Variants in PHACTR1 observed in about 807,000 individuals in gnomAD.
PHACTR1 encodes the protein RPEL repeat containing 1.
A neutral mutation model predicts 69.2 loss-of-function variants in PHACTR1; 16 were observed. The observed-to-expected ratio is 0.23, with a 90% CI of 0.16 to 0.35. The LOEUF is 0.35. Among genes scored for constraint, PHACTR1 ranks in the 10% least tolerant of loss-of-function variants. The pLI is 1.00. For synonymous variants in PHACTR1, 312 were observed against 284.5 expected (o/e 1.10, Z -0.97); for missense variants, 510 against 734.7 (o/e 0.69, Z 3.54).
At chr6:13,011,716 G>A (rs921618751) in intron 4 of PHACTR1, among the ~76,000 whole-genome samples, 2 of 152,220 alleles carry the variant, frequency 1.3e-5, no homozygotes, top group Non-Finnish European at 2.9e-5. Context: ...GAAAAGGCAT[G>A]CAATTTAAAA....
chr6:13,066,460 T>G (rs936009320), intron 5 of PHACTR1, among the ~76,000 whole-genome samples: 2 of 152,216 alleles, frequency 1.3e-5, no homozygotes, highest in African/African-American at 4.8e-5. Flanking sequence ...CATTCATGAT[T>G]GTTTTCCAGT....
rs1325030664 is a variant in PHACTR1, at chr6:13,287,830, CAACT to C, written c.*753_*756del. ...ATATGCTCAGTTCAAATAATCAACC[CAACT>C]GTGTCCAGAGTGTCCAGTGTCATGA... On this transcript the variant is annotated 3_prime_UTR_variant, in exon 15 of 15. Coordinates refer to ENST00000332995, the MANE Select transcript of PHACTR1 (RefSeq NM_030948.6). The C allele has an allele frequency of 6.5e-6, 1 of 154,110 alleles. No individual in the cohort carries two copies. Among genetic ancestry groups the C allele is most frequent in the Non-Finnish European group, 1.4e-5 (1 of 69,314 alleles). The allele number at this position is 154,110 out of a possible 1,614,324, so 9.5% of individuals were successfully genotyped here.
intron 4 of PHACTR1, among the ~76,000 whole-genome samples, chr6:12,959,218 A>G (rs1436777671): frequency 6.6e-6 from 1 of 151,426 alleles, no homozygotes; most frequent in Non-Finnish European, 1.5e-5. Flanking sequence ...AAAAGAAAAG[A>G]AAACAGAAAC....
intron 4 of PHACTR1, among the ~76,000 whole-genome samples, chr6:12,763,242 C>T (rs553824051): frequency 1.1e-4 from 17 of 151,032 alleles, no homozygotes; most frequent in African/African-American, 3.9e-4. Flanking sequence ...ACAACAACAA[C>T]AACAACAACA....
intron 4 of PHACTR1, among the ~76,000 whole-genome samples, chr6:12,823,271 T>G (rs1161456275): frequency 1.3e-5 from 2 of 152,210 alleles, no homozygotes; most frequent in Non-Finnish European, 2.9e-5. Context: ...TTAAAGTGTT[T>G]GGAAGAAGAA....
intron 4 of PHACTR1, among the ~76,000 whole-genome samples, chr6:12,859,353 T>G (rs950343811): frequency 2.0e-5 from 3 of 152,222 alleles, no homozygotes; most frequent in Non-Finnish European, 4.4e-5. Flanking sequence ...CGAATGATAC[T>G]TACAGCTAAT....
At chr6:12,718,616 A>T (rs1761695358) in intron 2 of PHACTR1, 83 bp from the exon 3 acceptor site, 1 of 414,514 alleles carries the variant, frequency 2.4e-6, no homozygotes. Context: ...GGATATTCTT[A>T]TTCAAACATT....
At chr6:13,280,555 T>A (rs1440454875) in intron 12 of PHACTR1, 1 of 216,784 alleles carries the variant, frequency 4.6e-6, no homozygotes, top group Non-Finnish European at 9.5e-6. Flanking sequence ...TTTACAGTGA[T>A]CTGCCTTCAG....
intron 10 of PHACTR1, among the ~76,000 whole-genome samples, chr6:13,239,118 T>G (rs1236646931): frequency 6.6e-6 from 1 of 152,142 alleles, no homozygotes; most frequent in Non-Finnish European, 1.5e-5. Flanking sequence ...TGGTATTCGC[T>G]CATCTTCAGA....
At position 13,003,592 on chromosome 6, in the gene PHACTR1, A is replaced by T. The variant is rs141403411; in HGVS notation, c.251-49773A>T. Among the ~76,000 whole-genome samples, 58 of 152,108 alleles carry T rather than the reference A, an allele frequency of 3.8e-4. 1 individual carries two copies. In the East Asian group the frequency reaches 7.2e-3, roughly 19 times the overall value. The stretch of plus-strand genomic sequence containing the variant: ...CCTTCATTACTGCTTCTTTTAAAAA[A>T]TTTTTTAATAGATTTAGGAAGTATA... On this transcript the variant is annotated intron_variant, in intron 4 of 14. Transcript: ENST00000332995.
intron 4 of PHACTR1, among the ~76,000 whole-genome samples, chr6:12,751,542 T>C (rs1439165670): frequency 6.6e-6 from 1 of 152,248 alleles, no homozygotes; most frequent in Non-Finnish European, 1.5e-5. Flanking sequence ...GTTTACCTTC[T>C]ACTAGTACTT....
intron 4 of PHACTR1, among the ~76,000 whole-genome samples, chr6:12,772,503 C>T (rs965014568): frequency 6.6e-6 from 1 of 152,076 alleles, no homozygotes; most frequent in African/African-American, 2.4e-5. Context: ...TTTTCTTTTG[C>T]CTAGATTTAT....
intron 5 of PHACTR1, among the ~76,000 whole-genome samples, chr6:13,124,197 T>C (rs1018996579): frequency 1.3e-5 from 2 of 152,166 alleles, no homozygotes; most frequent in African/African-American, 4.8e-5. Context: ...GAAGCTACCA[T>C]TGGGACCTCT....
intron 4 of PHACTR1, among the ~76,000 whole-genome samples, chr6:13,036,786 TA>T (rs750358473): frequency 2.0e-5 from 3 of 152,166 alleles, no homozygotes; most frequent in Non-Finnish European, 2.9e-5. Flanking sequence ...TGCCTGTAAG[TA>T]AATAAAGGAT....
At chr6:12,941,156 C>A (rs953033488) in intron 4 of PHACTR1, among the ~76,000 whole-genome samples, 1 of 152,180 alleles carries the variant, frequency 6.6e-6, no homozygotes, top group Non-Finnish European at 1.5e-5. Flanking sequence ...AGTTCACCTA[C>A]AGAAAACCCT....
At chr6:13,228,839 G>T (rs1047184578) in intron 9 of PHACTR1, among the ~76,000 whole-genome samples, 2 of 152,244 alleles carry the variant, frequency 1.3e-5, no homozygotes, top group Non-Finnish European at 2.9e-5. Context: ...CAACGCTGGG[G>T]TTTGATGCGG....
At chr6:13,238,803 G>T (rs1313528574) in intron 10 of PHACTR1, among the ~76,000 whole-genome samples, 2 of 152,094 alleles carry the variant, frequency 1.3e-5, no homozygotes, top group African/African-American at 4.8e-5. Flanking sequence ...AATTTCTTCT[G>T]CTGCAGAAAC....
In PHACTR1 at chr6:12,872,572, T is replaced by A. The variant is rs151254226; in HGVS notation, c.250+122782T>A. Among the ~76,000 whole-genome samples, 245 of 152,328 alleles carry A rather than the reference T, an allele frequency of 1.6e-3. 3 individuals carry two copies. The highest frequency in any genetic ancestry group is 4.9e-3 in the African/African-American group (204 of 41,572). The stretch of plus-strand genomic sequence containing the variant: ...CCATGTATGTTGATACAAGAAAGAA[T>A]ATAGAGGATATACGATGTGACTATT... On this transcript the variant is annotated intron_variant, in intron 4 of 14. Coordinates refer to ENST00000332995, the MANE Select transcript of PHACTR1 (RefSeq NM_030948.6).
intron 5 of PHACTR1, among the ~76,000 whole-genome samples, chr6:13,086,029 T>A (rs1485960380): frequency 1.5e-5 from 2 of 137,424 alleles, no homozygotes; most frequent in Admixed American, 7.4e-5. Context: ...ATTTCTAAAT[T>A]GAGTAAAAAT....
Sources: allele counts gnomAD v4.1 joint callset (sites outside exome capture counted in the v4.1 genomes callset), GRCh38; gene constraint gnomAD v4.1.1; transcripts MANE v1.5; gene names NCBI Gene and HGNC (gene_info 2026-07-23, HGNC 2026-07-21).